Variants in NTM observed in about 807,000 individuals in gnomAD.
NTM encodes the protein neurotrimin, also known as IgLON family member 2.
In NTM, 13 loss-of-function variants were observed where a neutral mutation model predicts 42.1. The observed-to-expected ratio is 0.31, with a 90% confidence interval of 0.20 to 0.49. The LOEUF (loss-of-function observed/expected upper bound fraction) is 0.49. Ranked by LOEUF, NTM falls within the 20% of genes least tolerant of loss-of-function variation. The pLI, the probability that NTM is intolerant of heterozygous loss-of-function variation, is 0.99. For synonymous variants in NTM, 187 were observed against 179.2 expected, an observed-to-expected ratio of 1.04 and a Z score of -0.35; for missense variants, 373 against 452.8, an observed-to-expected ratio of 0.82 and a Z score of 1.60.
At chr11:131,519,233 A>T (rs1214777694) in intron 1 of NTM, among the ~76,000 whole-genome samples, 1 of 152,204 alleles carries the variant, frequency 6.6e-6, no homozygotes. Context: ...CTCCCATTTG[A>T]GGCTTCACTG....
chr11:131,483,106 G>T (rs1006299301), intron 1 of NTM, among the ~76,000 whole-genome samples: 1 of 152,182 alleles, frequency 6.6e-6, no homozygotes, highest in African/African-American at 2.4e-5. Flanking sequence ...CTCAACACTG[G>T]GTCATATGGG....
intron 1 of NTM, among the ~76,000 whole-genome samples, chr11:131,552,431 T>C (rs538869155): frequency 4.0e-5 from 6 of 150,798 alleles, no homozygotes; most frequent in Non-Finnish European, 8.8e-5. Context: ...GGAATGTTTC[T>C]GGTAACCTTG....
chr11:131,985,841 C>A (rs2065980794), intron 2 of NTM, among the ~76,000 whole-genome samples: 1 of 152,126 alleles, frequency 6.6e-6, no homozygotes, highest in Non-Finnish European at 1.5e-5. Context: ...CAATATCCAC[C>A]ACATATAACT....
intron 2 of NTM, among the ~76,000 whole-genome samples, chr11:131,924,325 A>T (rs1330809638): frequency 6.6e-6 from 1 of 152,186 alleles, no homozygotes; most frequent in Non-Finnish European, 1.5e-5. Flanking sequence ...GGGGCTACTA[A>T]GAAAATGAGC....
rs1941078419 is a variant in NTM, at chr11:131,370,941, G to A, written c.82+53G>A. On this transcript the variant is annotated intron_variant, in intron 1 of 8. Coordinates refer to ENST00000683400, the MANE Select transcript of NTM (RefSeq NM_001352005.2). ...GGTAGACCCAGGAATTGTACAGTGT[G>A]CTTTATAAGATTTGCAGACTCCCCG... 3.7e-6 allele frequency: 6 copies of A among 1,604,150 alleles called. No individual in the cohort carries two copies. The South Asian group carries it at 4.5e-5, about 12-fold the overall frequency.
In NTM at chr11:132,083,882, A is replaced by T. The variant is rs184953617; in HGVS notation, c.168-62400A>T. ...GCAGAGAGAAACAAATGTGCTCCAA[A>T]TTTTTTCACAGGAGTCTACCTTACT... On this transcript the variant is annotated intron_variant, in intron 2 of 8. Transcript: ENST00000683400. Among the ~76,000 whole-genome samples, 172 of 152,206 alleles carry T rather than the reference A, an allele frequency of 1.1e-3. 2 individuals are homozygous for T. The highest frequency in any genetic ancestry group is 8.3e-4 in the South Asian group (4 of 4,824).
At chr11:131,538,921 C>CTTT (rs58463755) in intron 1 of NTM, among the ~76,000 whole-genome samples, 2,842 of 102,382 alleles carry the variant, frequency 0.028, 131 homozygotes, top group African/African-American at 0.088. Context: ...GTTAACTTAG[C>CTTT]TTTTTTTTTT....
chr11:131,812,248 C>A (rs979756353), intron 1 of NTM, among the ~76,000 whole-genome samples: 2 of 120,572 alleles, frequency 1.7e-5, no homozygotes, highest in Non-Finnish European at 4.0e-5. Flanking sequence ...CATTCTCCCC[C>A]TTATTTTCTC....
chr11:131,532,228 C>T (rs1321323540), intron 1 of NTM, among the ~76,000 whole-genome samples: 1 of 152,116 alleles, frequency 6.6e-6, no homozygotes, highest in Non-Finnish European at 1.5e-5. Context: ...AACAAGAACT[C>T]CCCATTCTCC....
At chr11:132,213,944 T>G (rs918133380) in intron 4 of NTM, among the ~76,000 whole-genome samples, 1 of 130,102 alleles carries the variant, frequency 7.7e-6, no homozygotes, top group African/African-American at 2.7e-5. Context: ...CCGTTTTAGC[T>G]GGGATGGTCT....
intron 1 of NTM, among the ~76,000 whole-genome samples, chr11:131,609,217 GAGGCACGC>G (rs2061271349): frequency 6.6e-6 from 1 of 152,206 alleles, no homozygotes; most frequent in African/African-American, 2.4e-5. Context: ...TCCTTTCCCT[GAGGCACGC>G]AGGCACTACC....
intron 1 of NTM, among the ~76,000 whole-genome samples, chr11:131,845,251 T>C (rs934509689): frequency 6.6e-6 from 1 of 152,184 alleles, no homozygotes; most frequent in Non-Finnish European, 1.5e-5. Context: ...ATTTAAGGAA[T>C]TCAGTGAATA....
intron 2 of NTM, among the ~76,000 whole-genome samples, chr11:132,129,696 C>A (rs765036224): frequency 1.3e-5 from 2 of 152,166 alleles, no homozygotes; most frequent in Non-Finnish European, 2.9e-5. Flanking sequence ...TTCTTCAGTG[C>A]ACACACAGAA....
intron 1 of NTM, among the ~76,000 whole-genome samples, chr11:131,389,332 C>G (rs1016593226): frequency 3.9e-5 from 6 of 152,190 alleles, no homozygotes; most frequent in Non-Finnish European, 7.3e-5. Flanking sequence ...TGAGATGGAG[C>G]TGGGGGAGCG....
rs1481177761 is a variant in NTM, at chr11:131,658,753, A to G, written c.83-252811A>G. On this transcript the variant is annotated intron_variant, in intron 1 of 8. Transcript: ENST00000683400. ...GGGAGGCCGAGGTGGGCGGATCACC[A>G]GAGGTCAGGAGTTAGAGAACAGCCT... Among the ~76,000 whole-genome samples the G allele has an allele frequency of 5.3e-5, 8 of 152,266 alleles. No individual in the cohort carries two copies. The East Asian group carries it at 1.5e-3, about 29-fold the overall frequency.
intron 3 of NTM, among the ~76,000 whole-genome samples, chr11:132,207,688 A>G (rs1446960890): frequency 6.6e-6 from 1 of 152,176 alleles, no homozygotes; most frequent in Non-Finnish European, 1.5e-5. Flanking sequence ...CCTGGCCACA[A>G]AATGTCTTAC....
intron 1 of NTM, among the ~76,000 whole-genome samples, chr11:131,649,078 G>A (rs1428723209): frequency 6.6e-6 from 1 of 152,166 alleles, no homozygotes; most frequent in Non-Finnish European, 1.5e-5. Flanking sequence ...CACGGGGGAA[G>A]GTTGGTCACT....
At chr11:131,612,093 C>T (rs2061507916) in intron 1 of NTM, among the ~76,000 whole-genome samples, 1 of 152,186 alleles carries the variant, frequency 6.6e-6, no homozygotes, top group African/African-American at 2.4e-5. Context: ...AGCCAGCCAC[C>T]ACATCCTAAG....
At chr11:131,922,324 C>G (rs2057343363) in intron 2 of NTM, 1 of 152,626 alleles carries the variant, frequency 6.6e-6, no homozygotes, top group Non-Finnish European at 1.5e-5. Flanking sequence ...GCCATCAGTT[C>G]TGACCACGCT....
Sources: allele counts gnomAD v4.1 joint callset (sites outside exome capture counted in the v4.1 genomes callset), GRCh38; gene constraint gnomAD v4.1.1; transcripts MANE v1.5; gene names NCBI Gene and HGNC (gene_info 2026-07-23, HGNC 2026-07-21).